ELF2: variants seen among roughly 807,000 people sequenced by gnomAD.
ELF2 encodes the protein ETS-related transcription factor Elf-2.
Under a neutral mutation model 54.8 loss-of-function variants are expected in ELF2, and 11 were observed. The observed-to-expected ratio is 0.20, with a 90% CI of 0.13 to 0.33. The LOEUF (loss-of-function observed/expected upper bound fraction) is 0.33, where lower values mean the gene tolerates loss of function less well. Among genes scored for constraint, ELF2 ranks in the 10% least tolerant of loss-of-function variants. The probability of loss-of-function intolerance (pLI) is 1.00; values close to 1 mark genes in which losing one functional copy is unlikely to be tolerated. For missense variants in ELF2, 513 were observed against 703.0 expected, an observed-to-expected ratio of 0.73 and a Z score of 3.06; for synonymous variants, 203 against 245.1, an observed-to-expected ratio of 0.83 and a Z score of 1.61.
intron 1 of ELF2, among the ~76,000 whole-genome samples, chr4:139,167,590 C>G (rs991320193): frequency 6.6e-6 from 1 of 152,104 alleles, no homozygotes; most frequent in Non-Finnish European, 1.5e-5. Flanking sequence ...GCCCTGTACA[C>G]TGTATTTGAG....
chr4:139,124,136 C>T (rs1053025154), intron 4 of ELF2, among the ~76,000 whole-genome samples: 19 of 152,106 alleles, frequency 1.2e-4, no homozygotes, highest in Non-Finnish European at 5.9e-5. Flanking sequence ...CCCCAGTCTC[C>T]CAAGTAGCTG....
chr4:139,065,238 G>T (rs1226418963), intron 7 of ELF2, among the ~76,000 whole-genome samples: 1 of 152,122 alleles, frequency 6.6e-6, no homozygotes, highest in African/African-American at 2.4e-5. Flanking sequence ...CAATTCTAAG[G>T]AGGCCAAGGC....
At chr4:139,070,016 T>C (rs1481911108) in intron 6 of ELF2, among the ~76,000 whole-genome samples, 1 of 151,598 alleles carries the variant, frequency 6.6e-6, no homozygotes, top group Admixed American at 6.6e-5. Context: ...AATTTTTTTT[T>C]TTATTCCTCG....
chr4:139,096,958 T>C (rs1371496629), intron 4 of ELF2, among the ~76,000 whole-genome samples: 2 of 152,142 alleles, frequency 1.3e-5, no homozygotes, highest in African/African-American at 2.4e-5. Flanking sequence ...TCTGGTTTTA[T>C]TAATAATCTA....
At chr4:139,084,241 A>G in intron 4 of ELF2, 1 of 1,610,322 alleles carries the variant, frequency 6.2e-7, no homozygotes, top group Non-Finnish European at 8.5e-7. Flanking sequence ...CACCGTGAGC[A>G]GCGGCGGCAG....
chr4:139,059,723 TAC>T (rs1727541767), intron 9 of ELF2, 116 bp from the exon 10 acceptor site: 5 of 1,219,708 alleles, frequency 4.1e-6, no homozygotes, highest in Non-Finnish European at 5.7e-6. Context: ...TCCCAAATTT[TAC>T]AGAGGTACTG....
intron 3 of ELF2, among the ~76,000 whole-genome samples, chr4:139,136,356 T>C (rs1738150777): frequency 6.6e-6 from 1 of 152,028 alleles, no homozygotes; most frequent in Admixed American, 6.6e-5. Context: ...CACTTTATCC[T>C]ATTCCCAGTG....
Position 139,059,157 on chromosome 4 carries a change from T to C in ELF2, c.1608A>G (p.Lys536=). The C allele has an allele frequency of 6.2e-7, 1 of 1,614,006 alleles. No homozygotes were observed. The highest frequency in any genetic ancestry group is 1.1e-5 in the South Asian group (1 of 91,078). The part of the protein sequence containing the change: ...ISAVIKGPEV[K]SEAVAKKQEH... The stretch of plus-strand genomic sequence containing the variant: ...CTTGCTTTTTTGCCACTGCTTCCGA[T>C]TTAACCTCTGGCCCCTTTATGACTG... Residue 536 remains lysine (K), a synonymous_variant, in exon 10 of 10, where the codon AAA becomes AAG. Transcript: ENST00000686138.
intron 1 of ELF2, among the ~76,000 whole-genome samples, chr4:139,161,523 T>G (rs1374830046): frequency 6.6e-6 from 1 of 151,930 alleles, no homozygotes; most frequent in African/African-American, 2.4e-5. Context: ...ACATTTAACT[T>G]TAAGGTTCTT....
intron 4 of ELF2, among the ~76,000 whole-genome samples, chr4:139,079,303 G>C (rs911121530): frequency 4.6e-5 from 7 of 152,084 alleles, no homozygotes; most frequent in Admixed American, 2.6e-4. Flanking sequence ...TATTATACTT[G>C]ATTCAATAGA....
At chr4:139,176,026 G>T (rs762582781) in intron 1 of ELF2, among the ~76,000 whole-genome samples, 19 of 152,298 alleles carry the variant, frequency 1.2e-4, no homozygotes, top group Admixed American at 3.3e-4. Flanking sequence ...AGAGGGCTCG[G>T]CTACCCTGAT....
At chr4:139,106,109 TA>T (rs1734376674) in intron 4 of ELF2, among the ~76,000 whole-genome samples, 1 of 152,186 alleles carries the variant, frequency 6.6e-6, no homozygotes, top group African/African-American at 2.4e-5. Context: ...GAAGGGATCT[TA>T]AACCAACAAA....
At chr4:139,117,048 A>G (rs964459418) in intron 4 of ELF2, among the ~76,000 whole-genome samples, 1 of 152,216 alleles carries the variant, frequency 6.6e-6, no homozygotes, top group Admixed American at 6.5e-5. Context: ...ATGTTTAAAC[A>G]CAATTTTGTT....
At chr4:139,119,543 C>T (rs919321595) in intron 4 of ELF2, among the ~76,000 whole-genome samples, 6 of 152,140 alleles carry the variant, frequency 3.9e-5, no homozygotes, top group Non-Finnish European at 7.3e-5. Flanking sequence ...CTGTTCAGGG[C>T]TCTATTCTTC....
chr4:139,108,188 G>C (rs1411568039), intron 4 of ELF2, among the ~76,000 whole-genome samples: 1 of 152,126 alleles, frequency 6.6e-6, no homozygotes, highest in African/African-American at 2.4e-5. Flanking sequence ...AGAATGTATT[G>C]AGCTTTCTTC....
At chr4:139,098,885 G>A (rs1198028990) in intron 4 of ELF2, among the ~76,000 whole-genome samples, 1 of 152,160 alleles carries the variant, frequency 6.6e-6, no homozygotes, top group Non-Finnish European at 1.5e-5. Context: ...GATCACAATA[G>A]ATAACTTTAA....
At chr4:139,159,292 A>G (rs1740864296) in intron 1 of ELF2, among the ~76,000 whole-genome samples, 1 of 152,232 alleles carries the variant, frequency 6.6e-6, no homozygotes, top group East Asian at 1.9e-4. Flanking sequence ...CCTTGAGGAT[A>G]GATTTCCACG....
In ELF2 at chr4:139,124,672, G is replaced by T. The variant is rs567529936; in HGVS notation, c.238+492C>A. Among the ~76,000 whole-genome samples, 438 of 152,166 alleles carry T rather than the reference G, an allele frequency of 2.9e-3. 1 individual carries two copies. The highest frequency in any genetic ancestry group is 0.01 in the African/African-American group (427 of 41,530). ...CACCAGAAATAGACTGAAATACTAA[G>T]ATCTCTAAGACGACAAAAAGCAAAG... On this transcript the variant is annotated intron_variant, in intron 4 of 9. Coordinates refer to ENST00000686138, the MANE Select transcript of ELF2 (RefSeq NM_001331036.3).
At chr4:139,140,622 T>C (rs1314667372) in intron 1 of ELF2, among the ~76,000 whole-genome samples, 2 of 151,850 alleles carry the variant, frequency 1.3e-5, no homozygotes, top group African/African-American at 4.8e-5. Flanking sequence ...GGCCTGGTAG[T>C]GCAAACCTGT....
Sources: allele counts gnomAD v4.1 joint callset (sites outside exome capture counted in the v4.1 genomes callset), GRCh38; gene constraint gnomAD v4.1.1; transcripts MANE v1.5; gene names NCBI Gene and HGNC (gene_info 2026-07-23, HGNC 2026-07-21).